Variants in QRICH2 observed in about 807,000 individuals in gnomAD.
QRICH2 encodes glutamine rich 2.
In QRICH2, 119 loss-of-function variants were observed where a neutral mutation model predicts 168.3. The ratio of observed to expected loss-of-function variants is 0.71; its 90% CI spans 0.61 to 0.82. The LOEUF (loss-of-function observed/expected upper bound fraction) is 0.82. Ranked by LOEUF, QRICH2 falls within the 40% of genes least tolerant of loss-of-function variation. The pLI, the probability that QRICH2 is intolerant of heterozygous loss-of-function variation, is 0.00. For synonymous variants in QRICH2, 894 were observed against 951.2 expected (o/e 0.94, Z 1.11); for missense variants, 2,241 against 2,491.6 (o/e 0.90, Z 2.14).
chr17:76,279,232 C>G, intron 13 of QRICH2, 90 bp from the exon 14 acceptor site: 1 of 1,351,412 alleles, frequency 7.4e-7, no homozygotes, highest in Non-Finnish European at 1.0e-6. Flanking sequence ...TCCCACCCGC[C>G]CCCGGCCTGG....
chr17:76,305,213 C>T (rs1268024084), intron 1 of QRICH2, among the ~76,000 whole-genome samples: 1 of 146,304 alleles, frequency 6.8e-6, no homozygotes, highest in Non-Finnish European at 1.5e-5. Flanking sequence ...ACCCAAGCTG[C>T]AGTGCAGTGA....
At chr17:76,297,438 C>A (rs1172730390) in intron 3 of QRICH2, among the ~76,000 whole-genome samples, 1 of 151,930 alleles carries the variant, frequency 6.6e-6, no homozygotes, top group African/African-American at 2.4e-5. Context: ...ACCCAGGAGG[C>A]GGAGATTGCA....
Position 76,292,880 on chromosome 17 carries a change from T to C in QRICH2, c.1847A>G (p.Asp616Gly), listed in dbSNP as rs756678361. The change falls in exon 4 of 19, where the codon GAT becomes GGT. Residue 616 changes from aspartate (D) to glycine (G), a missense_variant. Transcript: ENST00000680821. ...TCCAGGCCAGACCAAACCACGCTGATCTGCACCAGGTTGGGCCAAACCAGA... is the reference window on the plus strand; with the variant it reads ...TCCAGGCCAGACCAAACCACGCTGACCTGCACCAGGTTGGGCCAAACCAGA... ...DQSGLAQPGA[D>G]QRGLVWPGMD... is the part of the protein sequence containing the mutation. 1 of 1,601,030 alleles carries C rather than the reference T, an allele frequency of 6.2e-7. No homozygotes were observed. Among genetic ancestry groups the C allele is most frequent in the African/African-American group, 1.5e-5 (1 of 65,030 alleles).
intron 18 of QRICH2, among the ~76,000 whole-genome samples, chr17:76,274,841 TCA>T (rs2070644647): frequency 6.6e-6 from 1 of 152,158 alleles, no homozygotes; most frequent in African/African-American, 2.4e-5. Context: ...TCTCTGTGCC[TCA>T]GTTTTCTCAG....
chr17:76,276,131 C>T (rs1598474103), intron 17 of QRICH2, among the ~76,000 whole-genome samples, 184 bp from the exon 18 acceptor site: 1 of 140,304 alleles, frequency 7.1e-6, no homozygotes, highest in Non-Finnish European at 1.5e-5. Flanking sequence ...TTCTCGTGGC[C>T]ACCCACCCAC....
Position 76,284,168 on chromosome 17 carries a change from C to CAAAAAAAAAAAAAAAAAA in QRICH2, c.4012-2071_4012-2054dup, listed in dbSNP as rs61553346. On this transcript the variant is annotated intron_variant, in intron 7 of 18. Transcript: ENST00000680821. ...GGGCAACAGAGCAAAACTCTGTCTC[C>CAAAAAAAAAAAAAAAAAA]AAAAAAAAAAAAAAAAAAAAAAAAA... 1.2e-3 allele frequency among the ~76,000 whole-genome samples: 75 copies of CAAAAAAAAAAAAAAAAAA among 62,738 alleles called. 1 individual carries two copies. Among genetic ancestry groups the CAAAAAAAAAAAAAAAAAA allele is most frequent in the Admixed American group, 2.5e-3 (14 of 5,600 alleles). The allele number at this position is 62,738 out of a possible 152,430, so 41.2% of individuals were successfully genotyped here. A position where few individuals can be genotyped will look rare whatever the true frequency, so the allele number is the denominator to read the frequency against.
In QRICH2 at chr17:76,306,168, CAAAAAAAAAAA is replaced by C. The variant is rs368182885; in HGVS notation, c.535-1238_535-1228del. Reference sequence around the variant, plus strand: ...TGGGTGACAGAGTGAGAATGTGTCTCAAAAAAAAAAAAAAAAAAAAAAAAACCCAAAAAAAT... The same window carrying C: ...TGGGTGACAGAGTGAGAATGTGTCTCAAAAAAAAAAAAAACCCAAAAAAAT... On this transcript the variant is annotated intron_variant, in intron 1 of 18. Coordinates refer to ENST00000680821, the MANE Select transcript of QRICH2 (RefSeq NM_001388453.1). Among the ~76,000 whole-genome samples, 4 of 68,128 alleles carry C rather than the reference CAAAAAAAAAAA, an allele frequency of 5.9e-5. No homozygotes were observed. The South Asian group carries it at 2.1e-3, about 36-fold the overall frequency. The allele number at this position is 68,128 out of a possible 152,430, so 44.7% of individuals were successfully genotyped here.
intron 3 of QRICH2, among the ~76,000 whole-genome samples, chr17:76,296,940 G>A (rs945348877): frequency 6.6e-6 from 1 of 152,190 alleles, no homozygotes; most frequent in African/African-American, 2.4e-5. Flanking sequence ...ACCACCTGCA[G>A]GGCTTGAAGA....
chr17:76,300,475 T>C (rs560246237), intron 3 of QRICH2, among the ~76,000 whole-genome samples: 4 of 152,208 alleles, frequency 2.6e-5, no homozygotes, highest in Non-Finnish European at 5.9e-5. Flanking sequence ...GAGACAAATA[T>C]GACCTGAGAC....
At chr17:76,304,761 G>T in intron 2 of QRICH2, 121 bp downstream of exon 2, 1 of 819,750 alleles carries the variant, frequency 1.2e-6, no homozygotes, top group Non-Finnish European at 2.1e-6. Flanking sequence ...CTGGGGCAGA[G>T]ACTTGAGAGG....
In QRICH2 at chr17:76,280,701, C is replaced by T. The variant is rs777181399; in HGVS notation, c.4414G>A (p.Glu1472Lys). The T allele has an allele frequency of 5.6e-6, 9 of 1,614,000 alleles. No individual in the cohort carries two copies. Among genetic ancestry groups the T allele is most frequent in the African/African-American group, 2.7e-5 (2 of 74,902 alleles). Residue 1472 changes from glutamate (E) to lysine (K), a missense_variant, in exon 10 of 19, where the codon GAA (glutamate) becomes AAA (lysine). Glu to Lys is a moderately conservative substitution (Grantham distance 56). Transcript: ENST00000680821. The surrounding 1 kb of genome is among the most constrained non-coding windows in gnomAD (Gnocchi z 7.4). ...TGCTCCCTGTTGGCCTTTTCCTTTT[C>T]GAGCTTCTCCAGACCCTGGTACAGC... ...AMLYQGLEKLEKEKANREHLE... is the reference protein window; with the variant it reads ...AMLYQGLEKLKKEKANREHLE...
At position 76,279,344 on chromosome 17, in the gene QRICH2, C is replaced by G. The variant is rs763548676; in HGVS notation, c.4814+19G>C. ...AGCCCTGCCATGCGAGGCCACGTGC[C>G]GGCGGTGTGGGCACTCACTGTCCAG... is the stretch of plus-strand genomic sequence containing the variant. On this transcript the variant is annotated intron_variant, in intron 13 of 18. Transcript: ENST00000680821. 6.2e-7 allele frequency: 1 copy of G among 1,607,386 alleles called. No homozygotes were observed. Among genetic ancestry groups the G allele is most frequent in the Non-Finnish European group, 8.5e-7 (1 of 1,176,076 alleles).
At chr17:76,289,373 G>A (rs1158534116) in intron 5 of QRICH2, among the ~76,000 whole-genome samples, 1 of 151,916 alleles carries the variant, frequency 6.6e-6, no homozygotes, top group Non-Finnish European at 1.5e-5. Context: ...TTTTTGTAGA[G>A]ATAAGTCCTT....
intron 3 of QRICH2, among the ~76,000 whole-genome samples, 188 bp downstream of exon 3, chr17:76,304,227 A>G (rs1355836418): frequency 6.6e-6 from 1 of 152,212 alleles, no homozygotes; most frequent in African/African-American, 2.4e-5. Context: ...ATCCCTTTCT[A>G]GGGATGCATG....
rs555565980 is a variant in QRICH2 at position 76,279,035 on chromosome 17, G to A, written c.4916+6C>T. ...CATATGTCCCATATGCTGTCCCATA[G>A]CATACTTGCGGCTATGCTGCCGGAC... On this transcript the variant is annotated splice_donor_region_variant and intron_variant, in intron 14 of 18. Transcript: ENST00000680821. The A allele has an allele frequency of 3.7e-6, 6 of 1,611,454 alleles. No individual in the cohort carries two copies. Among genetic ancestry groups the A allele is most frequent in the Non-Finnish European group, 5.1e-6 (6 of 1,178,262 alleles).
chr17:76,278,155 G>T lies in QRICH2; in HGVS notation c.4951C>A (p.Leu1651Met), dbSNP rs780915188. The change falls in exon 15 of 19, where the codon CTG becomes ATG. Residue 1651 changes from leucine to methionine, a missense_variant. This residue lies in a region of QRICH2 where 2,047 missense variants were observed against 2,303.8 expected (regional missense o/e 0.89). Transcript: ENST00000680821. ...KLGSAFPRGD[L>M]AQMEQSVGRL... ...CCCACGCTCTGCTCCATCTGCGCCA[G>T]GTCACCCCGAGGGAAGGCGCTGCCC... is the stretch of plus-strand genomic sequence containing the variant. 16 of 1,610,632 alleles carry T rather than the reference G, an allele frequency of 9.9e-6. No individual in the cohort carries two copies. The Admixed American group carries it at 2.5e-4, about 25-fold the overall frequency.
chr17:76,297,541 C>T (rs1598499204), intron 3 of QRICH2, among the ~76,000 whole-genome samples: 1 of 152,078 alleles, frequency 6.6e-6, no homozygotes, highest in Middle Eastern at 3.4e-3. Flanking sequence ...ATGTACCATC[C>T]AATGCAGGAA....
Position 76,291,470 on chromosome 17 carries a change from T to C in QRICH2, c.3257A>G (p.His1086Arg). The change falls in exon 4 of 19, where the codon CAT (histidine) becomes CGT (arginine). Residue 1086 changes from histidine (H) to arginine (R), a missense_variant. By Grantham distance (29) the His-to-Arg change is conservative. Coordinates refer to ENST00000680821, the MANE Select transcript of QRICH2 (RefSeq NM_001388453.1). ...QHVASPGPGE[H>R]DQVYPDAAQH... ...AGCTGCATCTGGGTATACCTGGTCA[T>C]GCTCACCTGGGCCAGGTGATGCCAC... 6.2e-7 allele frequency: 1 copy of C among 1,614,156 alleles called. No individual in the cohort carries two copies. The highest frequency in any genetic ancestry group is 8.5e-7 in the Non-Finnish European group (1 of 1,180,038).
At chr17:76,295,626 G>A (rs1045340980) in intron 3 of QRICH2, among the ~76,000 whole-genome samples, 2 of 152,172 alleles carry the variant, frequency 1.3e-5, no homozygotes, top group African/African-American at 4.8e-5. Context: ...CTGTGCAACA[G>A]AGCGAGACAC....
Sources: allele counts gnomAD v4.1 joint callset (sites outside exome capture counted in the v4.1 genomes callset), GRCh38; gene constraint gnomAD v4.1.1; regional missense constraint gnomAD v4.1.1; non-coding constraint Gnocchi (gnomAD v3.1); transcripts MANE v1.5; gene names NCBI Gene and HGNC (gene_info 2026-07-23, HGNC 2026-07-21).